The following ASTN2 variants were observed in gnomAD, a reference collection of about 807,000 sequenced individuals.
The protein encoded by ASTN2 is astrotactin-2.
ASTN2 carries 54 observed loss-of-function variants against 139.8 expected under a neutral mutation model. The observed-to-expected ratio is 0.39, with a 90% CI of 0.31 to 0.48. The LOEUF (loss-of-function observed/expected upper bound fraction) is 0.48, where lower values mean the gene tolerates loss of function less well. ASTN2 is among the 20% of genes least tolerant of loss of function. The pLI, the probability that ASTN2 is intolerant of heterozygous loss-of-function variation, is 0.95. For missense variants in ASTN2, 1,565 were observed against 1,725.1 expected (o/e 0.91, Z 1.64); for synonymous variants, 756 against 719.5 (o/e 1.05, Z -0.81).
intron 6 of ASTN2, among the ~76,000 whole-genome samples, chr9:117,033,646 C>A (rs1838307727): frequency 6.6e-6 from 1 of 152,078 alleles, no homozygotes; most frequent in African/African-American, 2.4e-5. Context: ...CCAGAACTAG[C>A]CTGCTCTCTT....
intron 10 of ASTN2, among the ~76,000 whole-genome samples, chr9:116,936,111 A>AACC (rs1474047831): frequency 1.5e-3 from 1 of 688 alleles, no homozygotes; most frequent in Non-Finnish European, 2.6e-3. Context: ...CTACCACTAA[A>AACC]ACCACCACCA....
At chr9:116,512,478 G>A (rs1850437633) in intron 19 of ASTN2, among the ~76,000 whole-genome samples, 1 of 152,212 alleles carries the variant, frequency 6.6e-6, no homozygotes, top group Non-Finnish European at 1.5e-5. Flanking sequence ...TGTATATTCT[G>A]TTGATTTGGG....
At position 116,725,670 on chromosome 9, in the gene ASTN2, C is replaced by T. The variant is rs551115265; in HGVS notation, c.2806+101G>A. The T allele has an allele frequency of 1.8e-5, 23 of 1,251,522 alleles. No homozygotes were observed. The African/African-American group carries it at 3.4e-4, about 19-fold the overall frequency. The allele number at this position is 1,251,522 out of a possible 1,614,324, so 77.5% of individuals were successfully genotyped here. A position where few individuals can be genotyped will look rare whatever the true frequency, so the allele number is the denominator to read the frequency against. On this transcript the variant is annotated intron_variant, in intron 16 of 22. Transcript: ENST00000313400. The stretch of plus-strand genomic sequence containing the variant: ...CCATGGTCACACAGCTTAGACGTGG[C>T]AGAGCCAGGATTTAGATCCAAGGCA...
At chr9:117,227,634 T>C (rs1322836535) in intron 2 of ASTN2, among the ~76,000 whole-genome samples, 3 of 152,174 alleles carry the variant, frequency 2.0e-5, no homozygotes, top group African/African-American at 7.2e-5. Context: ...GGAAGATATG[T>C]AGTGAATAAA....
At chr9:116,488,708 C>T (rs973654791) in intron 19 of ASTN2, among the ~76,000 whole-genome samples, 1 of 152,074 alleles carries the variant, frequency 6.6e-6, no homozygotes, top group African/African-American at 2.4e-5. Flanking sequence ...TTTATATGCA[C>T]ATGCATTTAA....
chr9:117,061,504 G>A (rs1839291200), intron 5 of ASTN2, among the ~76,000 whole-genome samples: 3 of 152,056 alleles, frequency 2.0e-5, no homozygotes, highest in African/African-American at 7.2e-5. Flanking sequence ...TCATCAGGAA[G>A]AGGACTCCTG....
At chr9:117,338,777 T>A (rs1033676378) in intron 1 of ASTN2, among the ~76,000 whole-genome samples, 1 of 151,964 alleles carries the variant, frequency 6.6e-6, no homozygotes, top group African/African-American at 2.4e-5. Flanking sequence ...TTATCTTTAA[T>A]AGCAAAAAAA....
intron 3 of ASTN2, among the ~76,000 whole-genome samples, chr9:117,143,763 C>T (rs1176577877): frequency 6.6e-6 from 1 of 151,830 alleles, no homozygotes; most frequent in African/African-American, 2.4e-5. Flanking sequence ...CCTTCTCCTC[C>T]CTGTGTCCTC....
chr9:117,280,905 A>T (rs1027261745), intron 2 of ASTN2, among the ~76,000 whole-genome samples: 3 of 152,112 alleles, frequency 2.0e-5, no homozygotes, highest in Non-Finnish European at 2.9e-5. Context: ...ACATCAGTGG[A>T]TCTTGTCAGT....
chr9:117,227,183 G>C (rs1832743225), intron 2 of ASTN2, among the ~76,000 whole-genome samples: 2 of 152,144 alleles, frequency 1.3e-5, no homozygotes, highest in Admixed American at 6.5e-5. Context: ...TCACGTTGGT[G>C]AAGGCTTCCC....
chr9:116,980,228 A>G (rs1002616626), intron 7 of ASTN2, among the ~76,000 whole-genome samples: 7 of 152,040 alleles, frequency 4.6e-5, no homozygotes, highest in Admixed American at 2.0e-4. Context: ...CATCTCCTAG[A>G]GCTGATGTAA....
At chr9:116,757,229 C>G (rs1043235840) in intron 13 of ASTN2, among the ~76,000 whole-genome samples, 5 of 152,194 alleles carry the variant, frequency 3.3e-5, no homozygotes, top group African/African-American at 1.2e-4. Context: ...CTGCAGGAAA[C>G]CAGGAAACCA....
intron 16 of ASTN2, among the ~76,000 whole-genome samples, chr9:116,689,740 G>A (rs1205876320): frequency 6.6e-6 from 1 of 152,118 alleles, no homozygotes; most frequent in Non-Finnish European, 1.5e-5. Flanking sequence ...CTCTGATTAG[G>A]TAGGGAGGAG....
At chr9:116,961,024 G>A (rs1353477693) in intron 10 of ASTN2, among the ~76,000 whole-genome samples, 1 of 5,064 alleles carries the variant, frequency 2.0e-4, no homozygotes, top group Non-Finnish European at 0.013. Flanking sequence ...TGTAAGAGGA[G>A]GAGAGAAGAG....
intron 3 of ASTN2, among the ~76,000 whole-genome samples, chr9:117,166,063 T>C (rs1034369115): frequency 1.3e-5 from 2 of 152,108 alleles, no homozygotes; most frequent in Middle Eastern, 3.2e-3. Flanking sequence ...TTAGTAATTA[T>C]ATAAGACAGG....
intron 6 of ASTN2, among the ~76,000 whole-genome samples, chr9:117,037,330 C>T (rs553565117): frequency 8.6e-6 from 1 of 116,894 alleles, no homozygotes; most frequent in African/African-American, 2.7e-5. Context: ...TCGGGTAATC[C>T]CTTGATTTTG....
chr9:117,286,872 G>C (rs199619778), intron 2 of ASTN2, among the ~76,000 whole-genome samples: 2 of 152,148 alleles, frequency 1.3e-5, no homozygotes, highest in Non-Finnish European at 2.9e-5. Context: ...ACTGCTTTTT[G>C]AGCACTTACA....
chr9:117,345,973 T>C (rs573009911), intron 1 of ASTN2, among the ~76,000 whole-genome samples: 2 of 141,320 alleles, frequency 1.4e-5, no homozygotes, highest in South Asian at 4.6e-4. Flanking sequence ...CTGGCCTATA[T>C]TTTAATCCTC....
chr9:116,493,424 G>A (rs1298124559), intron 19 of ASTN2, among the ~76,000 whole-genome samples: 1 of 152,112 alleles, frequency 6.6e-6, no homozygotes, highest in African/African-American at 2.4e-5. Flanking sequence ...CAGCTCTTCT[G>A]GGGCTGTAAC....
Sources: gnomAD v4.1 joint callset for allele counts (sites outside exome capture counted in the v4.1 genomes callset) on GRCh38, gnomAD v4.1.1 for gene constraint, MANE v1.5 for transcripts, NCBI Gene and HGNC (gene_info 2026-07-23, HGNC 2026-07-21) for gene names.